Variants in ZNF626 observed in about 807,000 individuals in gnomAD.
ZNF626 encodes CTC-513N18.7.
In ZNF626, 4 loss-of-function variants were observed where a neutral mutation model predicts 11.7. That is an observed-to-expected ratio of 0.34 (90% CI 0.17 to 0.78). ZNF626 has a LOEUF of 0.78. Ranked by LOEUF, ZNF626 falls within the 30% of genes least tolerant of loss-of-function variation. The pLI is 0.57. For synonymous variants in ZNF626, 179 were observed against 198.6 expected, an observed-to-expected ratio of 0.90 and a Z score of 0.83; for missense variants, 588 against 587.1, an observed-to-expected ratio of 1.00 and a Z score of -0.01.
At position 20,624,741 on chromosome 19, in the gene ZNF626, T is replaced by C. The variant is rs782297103; in HGVS notation, c.1136A>G (p.Lys379Arg). The change falls in exon 4 of 4, where the codon AAG (lysine) becomes AGG (arginine). Residue 379 changes from lysine (K) to arginine (R), a missense_variant. By Grantham distance (26) the Lys-to-Arg change is conservative (BLOSUM62 2). This residue lies in a region of ZNF626 where 524 missense variants were observed against 470.1 expected (regional missense o/e 1.11). Transcript: ENST00000601440. ...YKCEECGKAF[K>R]RSSDLTTHKI... ...ATGCGTAGTAAGGTCTGAAGACCGC[T>C]TGAAGGCTTTGCCACATTCTTCACA... is the stretch of plus-strand genomic sequence containing the variant. 4 of 1,610,304 alleles carry C rather than the reference T, an allele frequency of 2.5e-6. No homozygotes were observed. The highest frequency in any genetic ancestry group is 1.1e-5 in the South Asian group (1 of 90,736).
intron 1 of ZNF626, among the ~76,000 whole-genome samples, chr19:20,657,829 C>CA (rs1258145073): frequency 4.0e-5 from 6 of 150,666 alleles, no homozygotes; most frequent in Non-Finnish European, 7.4e-5. Flanking sequence ...AAAAAACAAA[C>CA]AAAAAAAAGA....
At chr19:20,657,325 C>T (rs540392065) in intron 1 of ZNF626, among the ~76,000 whole-genome samples, 63 of 152,152 alleles carry the variant, frequency 4.1e-4, no homozygotes, top group African/African-American at 1.3e-3. Flanking sequence ...AGCTAAAGTA[C>T]GCCAAAATCA....
In ZNF626 at chr19:20,623,175, G is replaced by T. The variant is rs1038102429; in HGVS notation, c.*1115C>A. 1 of 152,154 alleles carries T rather than the reference G, an allele frequency of 6.6e-6. No individual in the cohort carries two copies. The highest frequency in any genetic ancestry group is 1.5e-5 in the Non-Finnish European group (1 of 68,028). The allele number at this position is 152,154 out of a possible 1,614,324, so 9.4% of individuals were successfully genotyped here. On this transcript the variant is annotated 3_prime_UTR_variant, in exon 4 of 4. Transcript: ENST00000601440. The stretch of plus-strand genomic sequence containing the variant: ...TGAACCTTCTTATGTTGAGTAAGAT[G>T]TGAGTAGGCATTAATGGGTTTTCCA...
In ZNF626 at chr19:20,647,491, T is replaced by TTTG. The variant is rs1172599251; in HGVS notation, c.4-1087_4-1086insCAA. 4.7e-3 allele frequency among the ~76,000 whole-genome samples: 563 copies of TTTG among 120,780 alleles called. 7 individuals carry two copies. Among genetic ancestry groups the TTTG allele is most frequent in the African/African-American group, 0.032 (534 of 16,728 alleles). The allele number at this position is 120,780 out of a possible 152,430, so 79.2% of individuals were successfully genotyped here. A position where few individuals can be genotyped will look rare whatever the true frequency, so the allele number is the denominator to read the frequency against. On this transcript the variant is annotated intron_variant, in intron 1 of 3. Transcript: ENST00000601440. ...AACTGCACTAGGACAATGGTTTTTT[T>TTTG]TTTTTTTTTTTTTGAGACGGAGTCT...
At chr19:20,627,525 A>C (rs1364015982) in intron 3 of ZNF626, among the ~76,000 whole-genome samples, 1 of 152,084 alleles carries the variant, frequency 6.6e-6, no homozygotes, top group Non-Finnish European at 1.5e-5. Context: ...AAGAAAAGGA[A>C]AGACAAAGAT....
At chr19:20,660,794 A>G (rs1364155433) in intron 1 of ZNF626, among the ~76,000 whole-genome samples, 4 of 152,228 alleles carry the variant, frequency 2.6e-5, no homozygotes, top group African/African-American at 9.6e-5. Flanking sequence ...CAGACCGCAC[A>G]ATCTAAGCTG....
In ZNF626 at chr19:20,642,565, T is replaced by C. The variant is rs371467363; in HGVS notation, c.226+3119A>G. 4.0e-5 allele frequency among the ~76,000 whole-genome samples: 6 copies of C among 151,826 alleles called. No homozygotes were observed. In the East Asian group the frequency reaches 5.9e-4, roughly 15 times the overall value. On this transcript the variant is annotated intron_variant, in intron 3 of 3. Transcript: ENST00000601440. Reference sequence around the variant, plus strand: ...GAGCTGAGATCGCGCCAGTGCACTTTAGCCTGAGCAACATGGCGAAACTTC... The same window carrying C: ...GAGCTGAGATCGCGCCAGTGCACTTCAGCCTGAGCAACATGGCGAAACTTC...
At chr19:20,644,241 C>T (rs1385580944) in intron 3 of ZNF626, among the ~76,000 whole-genome samples, 1 of 152,200 alleles carries the variant, frequency 6.6e-6, no homozygotes, top group Non-Finnish European at 1.5e-5. Context: ...AGGAAATGCT[C>T]TCTGGTACTC....
rs1555769385 is a variant in ZNF626, at chr19:20,625,131, C to A, written c.746G>T (p.Arg249Ile). Residue 249 changes from arginine to isoleucine, a missense_variant, in exon 4 of 4, where the codon AGA becomes ATA. Physicochemically the swap from Arg to Ile is moderately conservative, Grantham distance 97. This residue lies in a region of ZNF626 where 524 missense variants were observed against 470.1 expected (regional missense o/e 1.11). Transcript: ENST00000601440. ...GTAGGGTTTCTCTCCAGTATGATTTCTCTTATGTGTAGTAAGAGTGGAGGA... is the reference window on the plus strand; with the variant it reads ...GTAGGGTTTCTCTCCAGTATGATTTATCTTATGTGTAGTAAGAGTGGAGGA... ...KHSSTLTTHK[R>I]NHTGEKPYKC... The A allele has an allele frequency of 1.2e-6, 2 of 1,610,904 alleles. No individual in the cohort carries two copies. The highest frequency in any genetic ancestry group is 8.5e-7 in the Non-Finnish European group (1 of 1,179,466).
chr19:20,638,066 G>C (rs1411473909), intron 3 of ZNF626, among the ~76,000 whole-genome samples: 1 of 152,044 alleles, frequency 6.6e-6, no homozygotes, highest in Admixed American at 6.6e-5. Flanking sequence ...ATCTGAGTTT[G>C]GGAGGTCTGG....
In ZNF626 at chr19:20,661,544, A is replaced by C; in HGVS notation, c.-98T>G. 1.2e-6 allele frequency: 1 copy of C among 866,176 alleles called. No homozygotes were observed. Among genetic ancestry groups the C allele is most frequent in the South Asian group, 2.5e-5 (1 of 40,650 alleles). 53.7% of individuals were successfully genotyped at this position (866,176 alleles called of 1,614,324 possible). Reference sequence around the variant, plus strand: ...CCTGGGCCTTTAGGAGAAGAACCAGACCTGGAGCTCTGACTGCAGCGAGAG... The same window carrying C: ...CCTGGGCCTTTAGGAGAAGAACCAGCCCTGGAGCTCTGACTGCAGCGAGAG... On this transcript the variant is annotated 5_prime_UTR_variant, in exon 1 of 4. Transcript: ENST00000601440.
At chr19:20,654,682 C>T (rs1191518473) in intron 1 of ZNF626, among the ~76,000 whole-genome samples, 3 of 151,064 alleles carry the variant, frequency 2.0e-5, no homozygotes, top group South Asian at 2.1e-4. Flanking sequence ...CCAGCCCGGA[C>T]GACAGAGTGA....
At chr19:20,655,926 CTT>C (rs797032833) in intron 1 of ZNF626, among the ~76,000 whole-genome samples, 37 of 150,432 alleles carry the variant, frequency 2.5e-4, no homozygotes, top group African/African-American at 8.3e-4. Context: ...CAGAGCGAGA[CTT>C]TGCCTCAAAA....
rs150921461 is a variant in ZNF626 at position 20,636,917 on chromosome 19, A to C, written c.226+8767T>G. ...ATTCCTGTTGTCCCAGCTACTGAGG[A>C]GGACAAGGCAGGAGAATTTCTTGAA... On this transcript the variant is annotated intron_variant, in intron 3 of 3. Coordinates refer to ENST00000601440, the MANE Select transcript of ZNF626 (RefSeq NM_001076675.3). Among the ~76,000 whole-genome samples, 826 of 151,168 alleles carry C rather than the reference A, an allele frequency of 5.5e-3. 11 individuals carry two copies. Among genetic ancestry groups the C allele is most frequent in the African/African-American group, 0.02 (807 of 41,234 alleles).
intron 1 of ZNF626, among the ~76,000 whole-genome samples, chr19:20,648,175 CAAAAAA>C (rs34417157): frequency 1.9e-5 from 2 of 104,118 alleles, no homozygotes; most frequent in Non-Finnish European, 4.2e-5. Flanking sequence ...GACTCCGTGT[CAAAAAA>C]AAAAAAAAAA....
chr19:20,649,063 A>G (rs1008419279), intron 1 of ZNF626, among the ~76,000 whole-genome samples: 7 of 152,208 alleles, frequency 4.6e-5, no homozygotes, highest in Admixed American at 4.6e-4. Context: ...TCCAGGAGGC[A>G]GAGTCGACAT....
In ZNF626 at chr19:20,620,367, T is replaced by C. The variant is rs782382330; in HGVS notation, c.*3923A>G. On this transcript the variant is annotated 3_prime_UTR_variant, in exon 4 of 4. Coordinates refer to ENST00000601440, the MANE Select transcript of ZNF626 (RefSeq NM_001076675.3). ...ATAATTGCGTTTTCTTCTGAAAATA[T>C]GTACAAATGCATATTTACCAAACAC... 6.6e-6 allele frequency: 1 copy of C among 152,228 alleles called. No individual in the cohort carries two copies. The highest frequency in any genetic ancestry group is 1.5e-5 in the Non-Finnish European group (1 of 68,036). 9.4% of individuals were successfully genotyped at this position (152,228 alleles called of 1,614,324 possible).
chr19:20,643,916 A>AGGCC (rs1970048782), intron 3 of ZNF626, among the ~76,000 whole-genome samples: 1 of 152,212 alleles, frequency 6.6e-6, no homozygotes, highest in South Asian at 2.1e-4. Flanking sequence ...TTCAGAAGGC[A>AGGCC]GGCCCTCATT....
intron 1 of ZNF626, among the ~76,000 whole-genome samples, chr19:20,658,402 T>A (rs1970228448): frequency 6.6e-6 from 1 of 152,152 alleles, no homozygotes; most frequent in African/African-American, 2.4e-5. Flanking sequence ...CTGAGGGTGG[T>A]GCCCAGTACT....
Sources: allele counts gnomAD v4.1 joint callset (sites outside exome capture counted in the v4.1 genomes callset), GRCh38; gene constraint gnomAD v4.1.1; regional missense constraint gnomAD v4.1.1; transcripts MANE v1.5; gene names NCBI Gene and HGNC (gene_info 2026-07-23, HGNC 2026-07-21).